SNTG1: variants seen among roughly 807,000 people sequenced by gnomAD.
SNTG1 encodes the protein gamma-1-syntrophin.
Under a neutral mutation model 74.7 loss-of-function variants are expected in SNTG1, and 39 were observed. The ratio of observed to expected loss-of-function variants is 0.52; its 90% CI spans 0.40 to 0.68. The LOEUF is 0.68. SNTG1 is among the 30% of genes least tolerant of loss of function. The pLI is 0.00. For synonymous variants in SNTG1, 254 were observed against 217.1 expected (o/e 1.17, Z -1.49); for missense variants, 685 against 609.5 (o/e 1.12, Z -1.30).
chr8:49,993,938 C>A (rs1172496053), intron 1 of SNTG1, among the ~76,000 whole-genome samples: 1 of 152,098 alleles, frequency 6.6e-6, no homozygotes, highest in African/African-American at 2.4e-5. Context: ...CCTTTGAATT[C>A]TTAAGCATGT....
At chr8:50,311,449 G>A (rs1216861715) in intron 2 of SNTG1, among the ~76,000 whole-genome samples, 2 of 152,176 alleles carry the variant, frequency 1.3e-5, no homozygotes, top group Non-Finnish European at 1.5e-5. Context: ...TATGGCTTTT[G>A]ACAGAAAGCC....
chr8:49,921,434 G>A (rs1341109982), intron 1 of SNTG1, among the ~76,000 whole-genome samples: 2 of 152,020 alleles, frequency 1.3e-5, no homozygotes. Context: ...CATAATGTTT[G>A]GACTGTCAGA....
At chr8:50,144,400 C>T (rs1490130845) in intron 1 of SNTG1, among the ~76,000 whole-genome samples, 1 of 152,110 alleles carries the variant, frequency 6.6e-6, no homozygotes, top group African/African-American at 2.4e-5. Flanking sequence ...GTCCAGCATA[C>T]CTAGGTGAGG....
chr8:50,443,170 C>G (rs890066300), intron 5 of SNTG1, among the ~76,000 whole-genome samples: 1 of 152,182 alleles, frequency 6.6e-6, no homozygotes, highest in African/African-American at 2.4e-5. Flanking sequence ...CATGTTAAAG[C>G]AAGCCATCGT....
intron 12 of SNTG1, among the ~76,000 whole-genome samples, chr8:50,560,573 A>G (rs1219260989): frequency 6.6e-6 from 1 of 152,238 alleles, no homozygotes; most frequent in Non-Finnish European, 1.5e-5. Flanking sequence ...TTGCAGGGAC[A>G]TGGATGGAGC....
rs1329908048 is a variant in SNTG1 at position 50,319,067 on chromosome 8, TAC to T, written c.-27-75143_-27-75142del. 1.1e-4 allele frequency among the ~76,000 whole-genome samples: 17 copies of T among 152,202 alleles called. No homozygotes were observed. The South Asian group carries it at 3.5e-3, about 32-fold the overall frequency. ...ATATATCTATGTATACAGATATATA[TAC>T]ATATAATGTATTTCTTCTATTTGTT... On this transcript the variant is annotated intron_variant, in intron 2 of 18. Transcript: ENST00000642720.
At chr8:50,079,872 A>G (rs571790786) in intron 1 of SNTG1, among the ~76,000 whole-genome samples, 3 of 152,134 alleles carry the variant, frequency 2.0e-5, no homozygotes, top group Non-Finnish European at 4.4e-5. Flanking sequence ...GTGTGGTGTT[A>G]TTTCTGAGGC....
intron 2 of SNTG1, among the ~76,000 whole-genome samples, chr8:50,266,645 TATGTG>T (rs1329635481): frequency 8.5e-5 from 3 of 35,174 alleles, no homozygotes; most frequent in Non-Finnish European, 3.0e-4. Flanking sequence ...GACACAGAAT[TATGTG>T]TGTGTGTGTG....
chr8:50,756,645 A>G (rs980531910), intron 18 of SNTG1, among the ~76,000 whole-genome samples: 1 of 151,552 alleles, frequency 6.6e-6, no homozygotes, highest in African/African-American at 2.4e-5. Context: ...TTCTTTCCTA[A>G]CATCATGCTG....
At chr8:50,050,184 T>G (rs1001653987) in intron 1 of SNTG1, among the ~76,000 whole-genome samples, 1 of 151,290 alleles carries the variant, frequency 6.6e-6, no homozygotes, top group Non-Finnish European at 1.5e-5. Flanking sequence ...AAAAAATCAA[T>G]AAAATCAAAA....
At chr8:50,190,343 G>C (rs1364791190) in intron 2 of SNTG1, among the ~76,000 whole-genome samples, 1 of 152,096 alleles carries the variant, frequency 6.6e-6, no homozygotes, top group African/African-American at 2.4e-5. Context: ...AGAACAAAAG[G>C]TGGTAATATT....
intron 15 of SNTG1, among the ~76,000 whole-genome samples, chr8:50,695,251 A>G (rs573824634): frequency 3.3e-4 from 50 of 152,030 alleles, no homozygotes; most frequent in Non-Finnish European, 5.6e-4. Context: ...CAAATTTAGG[A>G]AAGTTACAGG....
intron 1 of SNTG1, among the ~76,000 whole-genome samples, chr8:49,941,636 G>T (rs1461863791): frequency 6.6e-6 from 1 of 151,938 alleles, no homozygotes; most frequent in Non-Finnish European, 1.5e-5. Flanking sequence ...GCCTGAGTGA[G>T]CCCCTCTGGG....
chr8:50,402,504 C>A lies in SNTG1; in HGVS notation c.162+160C>A, dbSNP rs189432123. Among the ~76,000 whole-genome samples, 69 of 152,260 alleles carry A rather than the reference C, an allele frequency of 4.5e-4. 1 individual carries two copies. The highest frequency in any genetic ancestry group is 8.2e-4 in the Non-Finnish European group (56 of 68,026). On this transcript the variant is annotated intron_variant, in intron 4 of 18. Coordinates refer to ENST00000642720, the MANE Select transcript of SNTG1 (RefSeq NM_018967.5). ...TCATTAAGTAATCAGCGGCCCTGTA[C>A]GAGAACCTTGCCTGGGGTCCATGAA...
At chr8:50,479,527 C>G (rs2093723277) in intron 8 of SNTG1, among the ~76,000 whole-genome samples, 1 of 152,144 alleles carries the variant, frequency 6.6e-6, no homozygotes, top group African/African-American at 2.4e-5. Context: ...ACACTTTCCT[C>G]CACATTCTTA....
At chr8:50,068,086 T>A (rs572691217) in intron 1 of SNTG1, among the ~76,000 whole-genome samples, 3 of 152,188 alleles carry the variant, frequency 2.0e-5, no homozygotes, top group Admixed American at 2.0e-4. Context: ...AAAGTACAAA[T>A]CTTTGTTGAA....
intron 1 of SNTG1, among the ~76,000 whole-genome samples, chr8:50,016,516 A>G (rs987693259): frequency 1.3e-5 from 2 of 152,036 alleles, no homozygotes; most frequent in Non-Finnish European, 2.9e-5. Flanking sequence ...GCCAGCCACT[A>G]TGTTCATCAC....
chr8:50,292,964 G>C (rs1405448024), intron 2 of SNTG1, among the ~76,000 whole-genome samples: 1 of 152,118 alleles, frequency 6.6e-6, no homozygotes, highest in Non-Finnish European at 1.5e-5. Context: ...CCAAGGACCT[G>C]AGGGAAGACA....
At chr8:50,112,842 A>T (rs549971637) in intron 1 of SNTG1, among the ~76,000 whole-genome samples, 2 of 152,226 alleles carry the variant, frequency 1.3e-5, no homozygotes, top group South Asian at 4.1e-4. Flanking sequence ...ATGGATGTTA[A>T]ATAGGGAATC....
Sources: gnomAD v4.1 joint callset for allele counts (sites outside exome capture counted in the v4.1 genomes callset) on GRCh38, gnomAD v4.1.1 for gene constraint, MANE v1.5 for transcripts, NCBI Gene and HGNC (gene_info 2026-07-23, HGNC 2026-07-21) for gene names.